DNAH9: variants seen among roughly 807,000 people sequenced by gnomAD.
DNAH9 encodes dynein axonemal heavy chain 9, also known as DNAH9 variant protein.
Under a neutral mutation model 471.6 loss-of-function variants are expected in DNAH9, and 345 were observed. That is an observed-to-expected ratio of 0.73 (90% CI 0.67 to 0.80). The LOEUF (loss-of-function observed/expected upper bound fraction) is 0.80. Among genes scored for constraint, DNAH9 ranks in the 30% least tolerant of loss-of-function variants. The pLI is 0.00. For synonymous variants in DNAH9, 2,093 were observed against 2,123.6 expected (o/e 0.99, Z 0.40); for missense variants, 5,407 against 5,609.2 (o/e 0.96, Z 1.15).
intron 50 of DNAH9, 47 bp from the exon 51 acceptor site, chr17:11,869,087 T>C: frequency 6.2e-7 from 1 of 1,602,442 alleles, no homozygotes. Flanking sequence ...CACTGGTAGT[T>C]ACATGGGCCG....
At chr17:11,871,079 G>A (rs1368662676) in intron 51 of DNAH9, among the ~76,000 whole-genome samples, 5 of 152,066 alleles carry the variant, frequency 3.3e-5, no homozygotes, top group Admixed American at 1.3e-4. Context: ...AAAGAGGGCT[G>A]GGGGGTCAGG....
chr17:11,643,199 A>C (rs2073311010), intron 10 of DNAH9, among the ~76,000 whole-genome samples: 1 of 152,238 alleles, frequency 6.6e-6, no homozygotes, highest in African/African-American at 2.4e-5. Flanking sequence ...ACCTCGAGCC[A>C]CACTCTCTTC....
At chr17:11,666,995 C>T (rs970971234) in intron 15 of DNAH9, among the ~76,000 whole-genome samples, 1 of 152,156 alleles carries the variant, frequency 6.6e-6, no homozygotes, top group Non-Finnish European at 1.5e-5. Context: ...AATGTCCCTC[C>T]TCCTCTTACC....
Position 11,668,897 on chromosome 17 carries a change from C to A in DNAH9, c.2732-167C>A, listed in dbSNP as rs374421452. ...CCATTGAGAAGCACTGCAAGACTATCACCCTCACATTGTATGGGATGTAAA... is the reference window on the plus strand; with the variant it reads ...CCATTGAGAAGCACTGCAAGACTATAACCCTCACATTGTATGGGATGTAAA... On this transcript the variant is annotated intron_variant, in intron 15 of 68. Transcript: ENST00000262442. 2.1e-4 allele frequency among the ~76,000 whole-genome samples: 32 copies of A among 152,266 alleles called. No individual in the cohort carries two copies. The South Asian group carries it at 2.7e-3, about 13-fold the overall frequency.
intron 57 of DNAH9, among the ~76,000 whole-genome samples, chr17:11,890,890 T>C (rs1242330125): frequency 6.6e-6 from 1 of 152,158 alleles, no homozygotes; most frequent in Admixed American, 6.5e-5. Flanking sequence ...TCTCGCTATC[T>C]TGCCCAGGCT....
chr17:11,856,273 A>T (rs1427449053), intron 50 of DNAH9, among the ~76,000 whole-genome samples: 2 of 152,180 alleles, frequency 1.3e-5, no homozygotes, highest in African/African-American at 2.4e-5. Context: ...GATAAGGAGG[A>T]TTTTACAAGT....
intron 67 of DNAH9, among the ~76,000 whole-genome samples, chr17:11,956,497 T>C (rs1975647125): frequency 6.6e-6 from 1 of 152,168 alleles, no homozygotes; most frequent in Admixed American, 6.5e-5. Flanking sequence ...TAACCAATTT[T>C]ACAGACACTC....
At chr17:11,639,992 A>T (rs1012071335) in intron 9 of DNAH9, among the ~76,000 whole-genome samples, 7 of 152,168 alleles carry the variant, frequency 4.6e-5, no homozygotes. Flanking sequence ...GACAAGAGTT[A>T]GACTCCTTGA....
rs775235653 is a variant in DNAH9, at chr17:11,689,548, A to T, written c.3744-18A>T. 6.3e-7 allele frequency: 1 copy of T among 1,596,552 alleles called. No individual in the cohort carries two copies. The highest frequency in any genetic ancestry group is 1.7e-5 in the Admixed American group (1 of 59,226). The stretch of plus-strand genomic sequence containing the variant: ...CCCTGCGTGCCATACTTACAAAGGA[A>T]CACACTGTGTTTTGTAGGTTTGATA... On this transcript the variant is annotated intron_variant, in intron 19 of 68. Transcript: ENST00000262442.
chr17:11,621,665 G>T (rs1262758610), intron 6 of DNAH9, among the ~76,000 whole-genome samples: 2 of 152,162 alleles, frequency 1.3e-5, no homozygotes, highest in Non-Finnish European at 2.9e-5. Context: ...ACTGAAATGC[G>T]ATTTCCCTGT....
In DNAH9 at chr17:11,694,351, G is replaced by A. The variant is rs1216828656; in HGVS notation, c.4776G>A (p.Glu1592=). 1.2e-6 allele frequency: 2 copies of A among 1,613,834 alleles called. No homozygotes were observed. Among genetic ancestry groups the A allele is most frequent in the South Asian group, 1.1e-5 (1 of 91,046 alleles). Residue 1592 remains glutamate, a synonymous_variant, in exon 22 of 69, where the codon GAG becomes GAA. Coordinates refer to ENST00000262442, the MANE Select transcript of DNAH9 (RefSeq NM_001372.4). ...GCCTGTGTGAGAAGGCCCTGGCAGA[G>A]TACCTCGACACCAAGAGGCTTGCCT... ...RLCLCEKALA[E]YLDTKRLAFP...
intron 19 of DNAH9, among the ~76,000 whole-genome samples, chr17:11,682,886 T>A (rs1481925161): frequency 1.3e-5 from 2 of 152,180 alleles, no homozygotes; most frequent in Non-Finnish European, 2.9e-5. Flanking sequence ...TTTAGAATAA[T>A]TGCCTTAGGA....
At position 11,611,746 on chromosome 17, in the gene DNAH9, A is replaced by C. The variant is rs778018353; in HGVS notation, c.870A>C (p.Pro290=). 1.2e-6 allele frequency: 2 copies of C among 1,614,200 alleles called. No individual in the cohort carries two copies. Among genetic ancestry groups the C allele is most frequent in the Admixed American group, 3.3e-5 (2 of 60,030 alleles). ...LLDKLQSSYF[P]AFKAMYRDVV... ...ACAAGCTTCAGAGTAGCTACTTTCC[A>C]GCTTTCAAAGCCATGTACAGAGATG... Residue 290 remains proline, a synonymous_variant, in exon 4 of 69, where the codon CCA becomes CCC. Transcript: ENST00000262442.
intron 65 of DNAH9, among the ~76,000 whole-genome samples, chr17:11,936,506 T>C (rs1974718631): frequency 6.6e-6 from 1 of 152,156 alleles, no homozygotes; most frequent in Non-Finnish European, 1.5e-5. Context: ...CATGGTGGCA[T>C]GTACCTGTAT....
At chr17:11,654,571 C>T (rs1376362410) in intron 14 of DNAH9, among the ~76,000 whole-genome samples, 1 of 151,760 alleles carries the variant, frequency 6.6e-6, no homozygotes, top group Non-Finnish European at 1.5e-5. Context: ...TTTTAATTAT[C>T]CAGGGGTCAA....
intron 49 of DNAH9, among the ~76,000 whole-genome samples, chr17:11,850,122 T>C (rs1971365331): frequency 6.6e-6 from 1 of 151,712 alleles, no homozygotes; most frequent in Non-Finnish European, 1.5e-5. Context: ...AAAAGAAAAA[T>C]GTGGAGTAGA....
In DNAH9 at chr17:11,611,695, G is replaced by C. The variant is rs190163455; in HGVS notation, c.819G>C (p.Thr273=). ...KYIYNQLRTI[T]VRGMAKLLDK... ...TCTATAATCAACTGAGAACAATAAC[G>C]GTGAGGGGCATGGCCAAGCTCCTGG... is the stretch of plus-strand genomic sequence containing the variant. Residue 273 remains threonine, a synonymous_variant, in exon 4 of 69, where the codon ACG becomes ACC. Coordinates refer to ENST00000262442, the MANE Select transcript of DNAH9 (RefSeq NM_001372.4). The C allele has an allele frequency of 6.2e-7, 1 of 1,613,860 alleles. No homozygotes were observed. Among genetic ancestry groups the C allele is most frequent in the East Asian group, 2.2e-5 (1 of 44,878 alleles).
chr17:11,959,475 G>A (rs1260555274), intron 67 of DNAH9, among the ~76,000 whole-genome samples: 2 of 152,220 alleles, frequency 1.3e-5, no homozygotes, highest in Non-Finnish European at 2.9e-5. Context: ...ATATGAGGAA[G>A]ACCGTATTGT....
At chr17:11,850,741 G>A (rs1023784451) in intron 49 of DNAH9, among the ~76,000 whole-genome samples, 4 of 152,000 alleles carry the variant, frequency 2.6e-5, no homozygotes, top group Non-Finnish European at 5.9e-5. Context: ...TGACTTGAGG[G>A]CCCATGCTTA....
Sources: gnomAD v4.1 joint callset for allele counts (sites outside exome capture counted in the v4.1 genomes callset) on GRCh38, gnomAD v4.1.1 for gene constraint, MANE v1.5 for transcripts, NCBI Gene and HGNC (gene_info 2026-07-23, HGNC 2026-07-21) for gene names.